The following DPP10 variants were observed in gnomAD, a reference collection of about 807,000 sequenced individuals.
The protein encoded by DPP10 is inactive dipeptidyl peptidase 10.
DPP10 carries 33 observed loss-of-function variants against 120.9 expected under a neutral mutation model. That is an observed-to-expected ratio of 0.27 (90% CI 0.21 to 0.37). The LOEUF (loss-of-function observed/expected upper bound fraction) is 0.37. Among genes scored for constraint, DPP10 ranks in the 10% least tolerant of loss-of-function variants. The pLI is 1.00. For synonymous variants in DPP10, 337 were observed against 326.1 expected, an observed-to-expected ratio of 1.03 and a Z score of -0.36; for missense variants, 816 against 942.8, an observed-to-expected ratio of 0.87 and a Z score of 1.76.
chr2:115,481,181 A>G (rs961830936), intron 3 of DPP10, among the ~76,000 whole-genome samples: 6 of 152,128 alleles, frequency 3.9e-5, no homozygotes, highest in Non-Finnish European at 5.9e-5. Context: ...CAGTAATTCA[A>G]GAAGAGATGA....
intron 1 of DPP10, among the ~76,000 whole-genome samples, chr2:114,912,124 A>G (rs117441094): frequency 6.6e-6 from 1 of 152,154 alleles, no homozygotes; most frequent in Non-Finnish European, 1.5e-5. Context: ...TCTTAGATAC[A>G]TACATTTGCA....
intron 1 of DPP10, among the ~76,000 whole-genome samples, chr2:114,964,855 C>G (rs139739307): frequency 6.6e-6 from 1 of 152,094 alleles, no homozygotes; most frequent in Admixed American, 6.6e-5. Flanking sequence ...TAAAACTGGG[C>G]TCCTGTTAAG....
At chr2:115,383,897 C>G (rs566380425) in intron 3 of DPP10, among the ~76,000 whole-genome samples, 1 of 152,156 alleles carries the variant, frequency 6.6e-6, no homozygotes, top group Non-Finnish European at 1.5e-5. Context: ...TGCTGAAAGA[C>G]TGCTGTATCT....
At chr2:115,222,607 A>G (rs1013766186) in intron 1 of DPP10, among the ~76,000 whole-genome samples, 4 of 152,254 alleles carry the variant, frequency 2.6e-5, no homozygotes, top group Non-Finnish European at 2.9e-5. Context: ...TTCTTTTGCA[A>G]ATTGCCCAGT....
chr2:114,993,019 T>C (rs1700839622), intron 1 of DPP10, among the ~76,000 whole-genome samples: 1 of 152,194 alleles, frequency 6.6e-6, no homozygotes, highest in African/African-American at 2.4e-5. Context: ...GTAGTTGTCT[T>C]AATATGTCAT....
At chr2:115,312,952 G>A (rs769705430) in intron 2 of DPP10, among the ~76,000 whole-genome samples, 1 of 152,152 alleles carries the variant, frequency 6.6e-6, no homozygotes, top group Non-Finnish European at 1.5e-5. Flanking sequence ...GGCCGGACGC[G>A]ATGGCTCACA....
chr2:114,721,614 A>G (rs182926358), intron 1 of DPP10, among the ~76,000 whole-genome samples: 39 of 152,256 alleles, frequency 2.6e-4, no homozygotes, highest in African/African-American at 7.9e-4. Context: ...TACTATCCTG[A>G]TTCTACAGAT....
At chr2:115,051,174 G>A (rs1395619613) in intron 1 of DPP10, among the ~76,000 whole-genome samples, 1 of 152,156 alleles carries the variant, frequency 6.6e-6, no homozygotes, top group Non-Finnish European at 1.5e-5. Flanking sequence ...TGATTAACCT[G>A]AGACATTGGT....
At chr2:114,603,180 A>G (rs764350553) in intron 1 of DPP10, among the ~76,000 whole-genome samples, 3 of 152,070 alleles carry the variant, frequency 2.0e-5, no homozygotes, top group Non-Finnish European at 4.4e-5. Context: ...GTTTCAATTT[A>G]CTACATGCCA....
chr2:114,746,859 C>T (rs1678628536), intron 1 of DPP10, among the ~76,000 whole-genome samples: 1 of 152,102 alleles, frequency 6.6e-6, no homozygotes, highest in Admixed American at 6.6e-5. Flanking sequence ...GCCTCATGCC[C>T]CCTCTTCACT....
At chr2:115,593,095 A>G (rs1051090776) in intron 5 of DPP10, among the ~76,000 whole-genome samples, 2 of 152,202 alleles carry the variant, frequency 1.3e-5, no homozygotes, top group Admixed American at 6.5e-5. Flanking sequence ...TATACAGAAA[A>G]GAACAAATTT....
At chr2:114,925,210 CA>C (rs66986816) in intron 1 of DPP10, among the ~76,000 whole-genome samples, 13,058 of 104,468 alleles carry the variant, frequency 0.12, 443 homozygotes, top group Non-Finnish European at 0.14. Flanking sequence ...GACTCTGTCT[CA>C]AAAAAAAAAA....
chr2:115,411,603 T>C (rs1365300546), intron 3 of DPP10, among the ~76,000 whole-genome samples: 1 of 152,148 alleles, frequency 6.6e-6, no homozygotes, highest in African/African-American at 2.4e-5. Context: ...ATTTTAATGA[T>C]TTACATTTGG....
chr2:115,055,845 T>A (rs948365998), intron 1 of DPP10, among the ~76,000 whole-genome samples: 2 of 152,218 alleles, frequency 1.3e-5, no homozygotes, highest in Non-Finnish European at 2.9e-5. Context: ...TGCTATCATT[T>A]AGAGTTTCCT....
intron 1 of DPP10, among the ~76,000 whole-genome samples, chr2:114,737,732 T>C (rs1415154468): frequency 6.6e-6 from 1 of 152,210 alleles, no homozygotes; most frequent in African/African-American, 2.4e-5. Context: ...ACATGGGTTC[T>C]GTTCTCAGTT....
chr2:115,193,588 C>T (rs1156803114), intron 1 of DPP10, among the ~76,000 whole-genome samples: 5 of 152,122 alleles, frequency 3.3e-5, no homozygotes, highest in Non-Finnish European at 5.9e-5. Context: ...AGGTCTTGGT[C>T]TTTGCTATTA....
At chr2:115,424,334 C>G (rs2070258899) in intron 3 of DPP10, among the ~76,000 whole-genome samples, 1 of 151,890 alleles carries the variant, frequency 6.6e-6, no homozygotes, top group East Asian at 1.9e-4. Context: ...ATGTACAGAA[C>G]TTTTTTATTA....
intron 7 of DPP10, among the ~76,000 whole-genome samples, chr2:115,703,726 C>A (rs916035139): frequency 6.6e-6 from 1 of 151,948 alleles, no homozygotes; most frequent in Non-Finnish European, 1.5e-5. Flanking sequence ...CTAAATACCT[C>A]CACAGCAACG....
chr2:115,776,152 T>C (rs1682066743), intron 13 of DPP10, among the ~76,000 whole-genome samples: 1 of 152,148 alleles, frequency 6.6e-6, no homozygotes, highest in Admixed American at 6.6e-5. Context: ...TTTTTGTTTT[T>C]AGCTGTTGTT....
Sources: gnomAD v4.1 joint callset for allele counts (sites outside exome capture counted in the v4.1 genomes callset) on GRCh38, gnomAD v4.1.1 for gene constraint, MANE v1.5 for transcripts, NCBI Gene and HGNC (gene_info 2026-07-23, HGNC 2026-07-21) for gene names.